The following ATAD2B variants were observed in gnomAD, a reference collection of about 807,000 sequenced individuals.
The protein encoded by ATAD2B is ATPase family AAA domain-containing protein 2B.
Under a neutral mutation model 167.6 loss-of-function variants are expected in ATAD2B, and 40 were observed. The observed-to-expected ratio is 0.24, with a 90% CI of 0.19 to 0.31. The LOEUF (loss-of-function observed/expected upper bound fraction) is 0.31. ATAD2B is among the 10% of genes least tolerant of loss of function. The pLI, the probability that ATAD2B is intolerant of heterozygous loss-of-function variation, is 1.00. For synonymous variants in ATAD2B, 579 were observed against 596.5 expected, an observed-to-expected ratio of 0.97 and a Z score of 0.43; for missense variants, 1,242 against 1,757.2, an observed-to-expected ratio of 0.71 and a Z score of 5.24.
intron 24 of ATAD2B, among the ~76,000 whole-genome samples, 180 bp downstream of exon 24, chr2:23,762,025 CAAAT>C (rs1161802130): frequency 1.4e-4 from 22 of 152,094 alleles, no homozygotes; most frequent in Admixed American, 9.8e-4. Context: ...TAGAAAATAA[CAAAT>C]AAAGTTAAAG....
intron 12 of ATAD2B, among the ~76,000 whole-genome samples, chr2:23,859,837 C>T (rs1351671923): frequency 1.3e-5 from 2 of 151,676 alleles, no homozygotes; most frequent in East Asian, 3.9e-4. Flanking sequence ...GTAATCCCAG[C>T]TACTCGGGAG....
chr2:23,690,702 A>G, the ATAD2B span: 1 of 152,222 alleles, frequency 6.6e-6, no homozygotes, highest in Non-Finnish European at 1.5e-5. Context: ...CTAACGCGGC[A>G]GGTGTTTTTA....
Position 23,890,629 on chromosome 2 carries a change from T to C in ATAD2B, c.369-2230A>G, listed in dbSNP as rs151000010. ...AAGCATTAACTCAGCTTGATCAGTT[T>C]ATTCACAAGTCTTGGCACCAAATGA... On this transcript the variant is annotated intron_variant, in intron 2 of 27. Coordinates refer to ENST00000238789, the MANE Select transcript of ATAD2B (RefSeq NM_017552.4). Among the ~76,000 whole-genome samples, 97 of 152,362 alleles carry C rather than the reference T, an allele frequency of 6.4e-4. No individual in the cohort carries two copies. The Middle Eastern group carries it at 0.01, about 16-fold the overall frequency.
chr2:23,711,662 C>T, the ATAD2B span, among the ~76,000 whole-genome samples: 2 of 152,054 alleles, frequency 1.3e-5, no homozygotes, highest in African/African-American at 4.8e-5. Flanking sequence ...TGAGCCACTG[C>T]GCCTGGCCCT....
chr2:23,826,004 A>T (rs1359096439), intron 15 of ATAD2B, among the ~76,000 whole-genome samples: 1 of 152,162 alleles, frequency 6.6e-6, no homozygotes. Flanking sequence ...TAAAGAAGGA[A>T]ATTTTTTTAC....
intron 14 of ATAD2B, among the ~76,000 whole-genome samples, chr2:23,829,612 G>A (rs1352355724): frequency 6.6e-6 from 1 of 152,000 alleles, no homozygotes; most frequent in East Asian, 1.9e-4. Flanking sequence ...TTAATTAATT[G>A]GGCATGGTGG....
Position 23,763,938 on chromosome 2 carries a change from T to G in ATAD2B, c.3256+1568A>C, listed in dbSNP as rs546591304. On this transcript the variant is annotated intron_variant, in intron 23 of 27. Transcript: ENST00000238789. ...CATGTTGTACTGTGTAACAGTACTT[T>G]GTTCCCTTTTATTACTAAGTAGTAT... Among the ~76,000 whole-genome samples the G allele has an allele frequency of 5.9e-5, 9 of 152,350 alleles. No homozygotes were observed. In the South Asian group the frequency reaches 1.4e-3, roughly 25 times the overall value.
chr2:23,858,949 G>T (rs1438389970), intron 12 of ATAD2B, among the ~76,000 whole-genome samples: 2 of 152,090 alleles, frequency 1.3e-5, no homozygotes, highest in African/African-American at 4.8e-5. Context: ...CATTTCATAT[G>T]AGTATAAACA....
In ATAD2B at chr2:23,819,771, T is replaced by C; in HGVS notation, c.2243A>G (p.His748Arg). The change falls in exon 17 of 28, where the codon CAT becomes CGT. Residue 748 changes from histidine (H) to arginine (R), a missense_variant. Transcript: ENST00000238789. Reference sequence around the variant, plus strand: ...CATTGTAAAATGAAGGTAGGGTTTATGTATAGCAGCAGATGATGACTGTTT... The same window carrying C: ...CATTGTAAAATGAAGGTAGGGTTTACGTATAGCAGCAGATGATGACTGTTT... ...PKKQSSSAAI[H>R]KPYLHFTMSP... is the part of the protein sequence containing the mutation. 1.2e-6 allele frequency: 2 copies of C among 1,609,524 alleles called. No homozygotes were observed. The highest frequency in any genetic ancestry group is 1.7e-6 in the Non-Finnish European group (2 of 1,177,332).
intron 5 of ATAD2B, among the ~76,000 whole-genome samples, chr2:23,885,229 C>A (rs1698498379): frequency 6.6e-6 from 1 of 152,160 alleles, no homozygotes; most frequent in South Asian, 2.1e-4. Flanking sequence ...AAAGAGAAGA[C>A]CCTCCTTTTG....
intron 13 of ATAD2B, among the ~76,000 whole-genome samples, chr2:23,857,036 T>A (rs1693534045): frequency 6.6e-6 from 1 of 151,008 alleles, no homozygotes. Flanking sequence ...GAGCAAGAAC[T>A]CGTCTCTAAA....
At chr2:23,684,048 G>T in the ATAD2B span, among the ~76,000 whole-genome samples, 2 of 152,190 alleles carry the variant, frequency 1.3e-5, no homozygotes, top group African/African-American at 4.8e-5. The surrounding 1 kb of genome is among the most constrained non-coding windows in gnomAD (Gnocchi z 4.4). Flanking sequence ...GTAGTTATTT[G>T]ACAGTTTTTA....
At chr2:23,775,181 C>T (rs566569574) in intron 22 of ATAD2B, among the ~76,000 whole-genome samples, 1 of 151,434 alleles carries the variant, frequency 6.6e-6, no homozygotes, top group African/African-American at 2.4e-5. Flanking sequence ...TTTAGTATTC[C>T]CTGAAGGGTA....
the ATAD2B span, among the ~76,000 whole-genome samples, chr2:23,698,456 A>C: frequency 1.3e-5 from 2 of 152,208 alleles, no homozygotes; most frequent in Non-Finnish European, 2.9e-5. Context: ...ATTCAGGGTG[A>C]CAGGAAGGTC....
downstream of ATAD2B, among the ~76,000 whole-genome samples, chr2:23,745,314 A>C (rs186582717): frequency 2.2e-4 from 34 of 151,554 alleles, no homozygotes; most frequent in South Asian, 4.2e-4. Flanking sequence ...CGCAAGAAAG[A>C]AAGCAAGCGA....
rs540721130 is a variant in ATAD2B at position 23,890,210 on chromosome 2, G to A, written c.369-1811C>T. On this transcript the variant is annotated intron_variant, in intron 2 of 27. Transcript: ENST00000238789. ...AGCCTGGGTGACAGAGCGAGACTCCGTCTAAAAACAAAAAATAAATAATAA... is the reference window on the plus strand; with the variant it reads ...AGCCTGGGTGACAGAGCGAGACTCCATCTAAAAACAAAAAATAAATAATAA... 9.2e-5 allele frequency among the ~76,000 whole-genome samples: 14 copies of A among 151,910 alleles called. No homozygotes were observed. The South Asian group carries it at 1.2e-3, about 14-fold the overall frequency.
At position 23,926,914 on chromosome 2, in the gene ATAD2B, CAA is replaced by C. The variant is rs776520818; in HGVS notation, c.-146_-145del. The C allele has an allele frequency of 6.4e-4, 647 of 1,006,148 alleles. No individual in the cohort carries two copies. The highest frequency in any genetic ancestry group is 8.3e-4 in the Non-Finnish European group (599 of 722,322). The allele number at this position is 1,006,148 out of a possible 1,614,324, so 62.3% of individuals were successfully genotyped here. On this transcript the variant is annotated 5_prime_UTR_variant, in exon 1 of 28. Coordinates refer to ENST00000238789, the MANE Select transcript of ATAD2B (RefSeq NM_017552.4). ...GGAGCGTGCGGAGCGCAGACGAGCA[CAA>C]GAGAGAGCCGGGCAGAGGAAGGGAA...
Position 23,799,688 on chromosome 2 carries a change from T to C in ATAD2B, c.2455-1365A>G, listed in dbSNP as rs561049812. On this transcript the variant is annotated intron_variant, in intron 18 of 27. Coordinates refer to ENST00000238789, the MANE Select transcript of ATAD2B (RefSeq NM_017552.4). Reference sequence around the variant, plus strand: ...TTAATGAGTAAGCTTACCACTTGCATACATTTTTTAAATAGTGTATTTTAT... The same window carrying C: ...TTAATGAGTAAGCTTACCACTTGCACACATTTTTTAAATAGTGTATTTTAT... 12 of 152,024 alleles carry C rather than the reference T, an allele frequency of 7.9e-5. No homozygotes were observed. In the East Asian group the frequency reaches 2.3e-3, roughly 29 times the overall value. The allele number at this position is 152,024 out of a possible 1,614,324, so 9.4% of individuals were successfully genotyped here.
intron 22 of ATAD2B, among the ~76,000 whole-genome samples, chr2:23,768,227 T>A (rs1677746657): frequency 6.6e-6 from 1 of 152,160 alleles, no homozygotes; most frequent in Non-Finnish European, 1.5e-5. Flanking sequence ...TCCATAACAT[T>A]ACCACAACAA....
Sources: gnomAD v4.1 joint callset for allele counts (sites outside exome capture counted in the v4.1 genomes callset) on GRCh38, gnomAD v4.1.1 for gene constraint, Gnocchi (gnomAD v3.1) non-coding constraint, MANE v1.5 for transcripts, NCBI Gene and HGNC (gene_info 2026-07-23, HGNC 2026-07-21) for gene names.